RAP1GAP2: variants seen among roughly 807,000 people sequenced by gnomAD.
The protein encoded by RAP1GAP2 is rap1 GTPase-activating protein 2.
In RAP1GAP2, 27 loss-of-function variants were observed where a neutral mutation model predicts 95.0. That is an observed-to-expected ratio of 0.28 (90% CI 0.21 to 0.39). The LOEUF (loss-of-function observed/expected upper bound fraction) is 0.39, where lower values mean the gene tolerates loss of function less well. Ranked by LOEUF, RAP1GAP2 falls within the 10% of genes least tolerant of loss-of-function variation. The probability of loss-of-function intolerance (pLI) is 1.00; values close to 1 mark genes in which losing one functional copy is unlikely to be tolerated. For missense variants in RAP1GAP2, 771 were observed against 970.0 expected (o/e 0.79, Z 2.72); for synonymous variants, 373 against 380.9 (o/e 0.98, Z 0.24).
chr17:2,826,359 G>A (rs1203691371), intron 2 of RAP1GAP2, among the ~76,000 whole-genome samples: 2 of 151,856 alleles, frequency 1.3e-5, no homozygotes, highest in Admixed American at 6.6e-5. Context: ...GGGGAAGTGT[G>A]TAGAGCTGTT....
At chr17:3,009,929 G>C (rs781206180) in intron 17 of RAP1GAP2, among the ~76,000 whole-genome samples, 31 of 152,200 alleles carry the variant, frequency 2.0e-4, no homozygotes, top group Non-Finnish European at 2.8e-4. Flanking sequence ...AGGCAGGAAG[G>C]GGGGCACCAC....
intron 2 of RAP1GAP2, among the ~76,000 whole-genome samples, chr17:2,828,984 C>CTTTTTTT (rs58160165): frequency 0.041 from 3,297 of 80,482 alleles, 233 homozygotes; most frequent in African/African-American, 0.086. Context: ...TAATTACTTG[C>CTTTTTTT]TTTTTTTTTT....
In RAP1GAP2 at chr17:2,894,439, CAAAA is replaced by C. The variant is rs556890305; in HGVS notation, c.81-10842_81-10839del. Among the ~76,000 whole-genome samples, 699 of 152,080 alleles carry C rather than the reference CAAAA, an allele frequency of 4.6e-3. 2 individuals carry two copies. Among genetic ancestry groups the C allele is most frequent in the Middle Eastern group, 0.01 (3 of 294 alleles). On this transcript the variant is annotated intron_variant, in intron 2 of 24. Coordinates refer to ENST00000254695, the MANE Select transcript of RAP1GAP2 (RefSeq NM_015085.5). ...AGCGAGACTCCGTTTCAAAAACAAA[CAAAA>C]AACCCCCTAAAACCCCAAAGCCCTA...
intron 2 of RAP1GAP2, among the ~76,000 whole-genome samples, chr17:2,877,520 C>T (rs561786628): frequency 3.9e-5 from 6 of 152,052 alleles, no homozygotes; most frequent in East Asian, 3.9e-4. Flanking sequence ...GGCCAAAGCG[C>T]GTGGATCACC....
intron 2 of RAP1GAP2, among the ~76,000 whole-genome samples, chr17:2,861,104 A>G (rs1400531996): frequency 5.9e-5 from 9 of 151,976 alleles, no homozygotes; most frequent in African/African-American, 1.2e-4. Context: ...TGCTGTTTAC[A>G]GTGAGCTCAT....
intron 3 of RAP1GAP2, among the ~76,000 whole-genome samples, chr17:2,946,904 G>A (rs551436473): frequency 6.6e-5 from 10 of 152,270 alleles, no homozygotes; most frequent in East Asian, 5.8e-4. Context: ...ATAGGCGCCC[G>A]CCACCACACC....
In RAP1GAP2 at chr17:2,857,743, C is replaced by T. The variant is rs373770888; in HGVS notation, c.81-47541C>T. ...GATGTGGGTAGTGGGGAGCTTGGCT[C>T]CCTGAGGGGGAAAACAGGCAGCTTT... On this transcript the variant is annotated intron_variant, in intron 2 of 24. Transcript: ENST00000254695. This position sits in a 1 kb window ranked among gnomAD's most constrained non-coding sequence, Gnocchi z 4.0. Among the ~76,000 whole-genome samples the T allele has an allele frequency of 4.6e-5, 7 of 152,252 alleles. No individual in the cohort carries two copies. The South Asian group carries it at 8.3e-4, about 18-fold the overall frequency.
At chr17:2,938,069 G>A (rs905515496) in intron 3 of RAP1GAP2, among the ~76,000 whole-genome samples, 1 of 152,198 alleles carries the variant, frequency 6.6e-6, no homozygotes, top group Admixed American at 6.5e-5. Flanking sequence ...GCCAGGGCTG[G>A]GAGGAAGGAT....
intron 2 of RAP1GAP2, among the ~76,000 whole-genome samples, chr17:2,837,245 T>A (rs78093904): frequency 0.018 from 2,628 of 143,406 alleles, 32 homozygotes; most frequent in Middle Eastern, 0.025. Flanking sequence ...AGCAAGACTC[T>A]GTCTCTGGAA....
intron 10 of RAP1GAP2, among the ~76,000 whole-genome samples, chr17:2,981,994 G>A (rs911568106): frequency 2.6e-5 from 4 of 152,204 alleles, no homozygotes; most frequent in African/African-American, 4.8e-5. Context: ...AGCTTCTGCC[G>A]TGGGTCACGC....
chr17:2,832,429 G>A (rs2070915598), intron 2 of RAP1GAP2, among the ~76,000 whole-genome samples: 1 of 150,272 alleles, frequency 6.7e-6, no homozygotes, highest in Admixed American at 6.7e-5. Flanking sequence ...GTTGTGGCGG[G>A]CACCTGTAGT....
Position 3,027,436 on chromosome 17 carries a change from C to T in RAP1GAP2, c.2107+366C>T, listed in dbSNP as rs1166953237. Among the ~76,000 whole-genome samples the T allele has an allele frequency of 6.6e-6, 1 of 152,092 alleles. No individual in the cohort carries two copies. Among genetic ancestry groups the T allele is most frequent in the African/African-American group, 2.4e-5 (1 of 41,424 alleles). ...CCAGCGCTCCAGGGCTGCCAGGGCC[C>T]GTCTGTCATGTCGGGGGTCTTGATA... On this transcript the variant is annotated intron_variant, in intron 22 of 24. Transcript: ENST00000254695. The surrounding 1 kb of genome is among the most constrained non-coding windows in gnomAD (Gnocchi z 5.2).
At chr17:2,919,424 G>A (rs986339087) in intron 3 of RAP1GAP2, among the ~76,000 whole-genome samples, 2 of 152,212 alleles carry the variant, frequency 1.3e-5, no homozygotes, top group African/African-American at 2.4e-5. Context: ...CAAGGCTGGC[G>A]TTGGAATGAG....
At chr17:2,781,735 C>T (rs141029311) in intron 1 of RAP1GAP2, among the ~76,000 whole-genome samples, 2,245 of 123,714 alleles carry the variant, frequency 0.018, 96 homozygotes, top group African/African-American at 0.066. Context: ...TGTGTGTGCA[C>T]GTCTCTGTGT....
intron 2 of RAP1GAP2, among the ~76,000 whole-genome samples, chr17:2,863,628 G>C (rs2072500414): frequency 6.6e-6 from 1 of 152,220 alleles, no homozygotes; most frequent in Non-Finnish European, 1.5e-5. Flanking sequence ...CTGTGTGGCA[G>C]GATCAGGGCA....
intron 17 of RAP1GAP2, among the ~76,000 whole-genome samples, chr17:3,009,061 T>C (rs75841461): frequency 0.08 from 12,222 of 152,132 alleles, 699 homozygotes; most frequent in East Asian, 0.29. Flanking sequence ...TGTGGGACTT[T>C]ATGGGGAATT....
chr17:3,013,627 CTTTTCTTT>C (rs1438902062), intron 17 of RAP1GAP2, among the ~76,000 whole-genome samples: 11 of 78,928 alleles, frequency 1.4e-4, no homozygotes, highest in African/African-American at 5.3e-4. Context: ...CTTTTCTTTT[CTTTTCTTT>C]TTTTTTTTTT....
intron 22 of RAP1GAP2, among the ~76,000 whole-genome samples, chr17:3,028,088 T>C (rs920470417): frequency 1.4e-4 from 22 of 151,754 alleles, no homozygotes; most frequent in African/African-American, 4.8e-4. Flanking sequence ...AGACATGTCA[T>C]TGGGCGAGTC....
At chr17:2,936,298 G>A (rs2043309766) in intron 3 of RAP1GAP2, among the ~76,000 whole-genome samples, 1 of 119,484 alleles carries the variant, frequency 8.4e-6, no homozygotes, top group Admixed American at 1.2e-4. Flanking sequence ...TATTTGTCTC[G>A]CTGGCCTTCA....
Sources: gnomAD v4.1 joint callset for allele counts (sites outside exome capture counted in the v4.1 genomes callset) on GRCh38, gnomAD v4.1.1 for gene constraint, Gnocchi (gnomAD v3.1) non-coding constraint, MANE v1.5 for transcripts, NCBI Gene and HGNC (gene_info 2026-07-23, HGNC 2026-07-21) for gene names.